The following TANC2 variants were observed in gnomAD, a reference collection of about 807,000 sequenced individuals.
TANC2 encodes the protein tetratricopeptide repeat, ankyrin repeat and coiled-coil containing 2.
In TANC2, 26 loss-of-function variants were observed where a neutral mutation model predicts 210.5. The observed-to-expected ratio is 0.12, with a 90% CI of 0.09 to 0.17. The LOEUF (loss-of-function observed/expected upper bound fraction) is 0.17, where lower values mean the gene tolerates loss of function less well. Among genes scored for constraint, TANC2 ranks in the 10% least tolerant of loss-of-function variants. TANC2 has a pLI of 1.00. For missense variants in TANC2, 2,129 were observed against 2,608.9 expected (o/e 0.82, Z 4.01); for synonymous variants, 931 against 967.1 (o/e 0.96, Z 0.69).
rs771588087 is a variant in TANC2 at position 63,194,159 on chromosome 17, C to G, written c.582+20C>G. 6.2e-6 allele frequency: 10 copies of G among 1,606,594 alleles called. No individual in the cohort carries two copies. Among genetic ancestry groups the G allele is most frequent in the Non-Finnish European group, 6.0e-6 (7 of 1,176,194 alleles). On this transcript the variant is annotated intron_variant, in intron 6 of 27. Coordinates refer to ENST00000689528, the Ensembl canonical transcript of TANC2. ...AATCAGGTAAGCTGTTTGCTATCACCTTTGTGAAACATGGTGTGAATCAGC... is the reference window on the plus strand; with the variant it reads ...AATCAGGTAAGCTGTTTGCTATCACGTTTGTGAAACATGGTGTGAATCAGC...
chr17:63,389,252 C>G, intron 16 of TANC2, 56 bp from the exon 17 acceptor site: 2 of 1,360,724 alleles, frequency 1.5e-6, no homozygotes, highest in African/African-American at 1.4e-5. Context: ...TAAAAGATGA[C>G]TAAAAGGATG....
intron 1 of TANC2, among the ~76,000 whole-genome samples, chr17:62,968,086 A>G (rs556291891): frequency 6.6e-6 from 1 of 152,330 alleles, no homozygotes; most frequent in African/African-American, 2.4e-5. Flanking sequence ...AAACATTGTG[A>G]CTTCCATTTA....
intron 12 of TANC2, among the ~76,000 whole-genome samples, chr17:63,343,161 T>C (rs564993226): frequency 1.3e-4 from 19 of 150,634 alleles, no homozygotes; most frequent in African/African-American, 4.3e-4. Flanking sequence ...TAAGCACTTA[T>C]ATTAAAAGGT....
chr17:63,271,605 C>T (rs942345468), intron 9 of TANC2, among the ~76,000 whole-genome samples: 3 of 144,720 alleles, frequency 2.1e-5, no homozygotes, highest in African/African-American at 2.5e-5. Context: ...TGTTCCCACC[C>T]TTGCCCCCCC....
In TANC2 at chr17:62,966,651, G is replaced by A. The variant is rs1190536089; in HGVS notation, c.-122G>A. 2.0e-5 allele frequency among the ~76,000 whole-genome samples: 3 copies of A among 151,862 alleles called. No individual in the cohort carries two copies. The highest frequency in any genetic ancestry group is 2.9e-5 in the Non-Finnish European group (2 of 67,882). On this transcript the variant is annotated 5_prime_UTR_variant, in exon 1 of 28. Transcript: ENST00000689528. The surrounding 1 kb of genome is among the most constrained non-coding windows in gnomAD (Gnocchi z 5.1). ...GCGTTGGAGGACTGCGAGGTGCTCC[G>A]GGAATCGCGGGCGGCGCCGGCGGGC... is the stretch of plus-strand genomic sequence containing the variant.
At chr17:63,031,802 A>T (rs2034779823) in intron 2 of TANC2, among the ~76,000 whole-genome samples, 1 of 152,214 alleles carries the variant, frequency 6.6e-6, no homozygotes, top group African/African-American at 2.4e-5. Flanking sequence ...ACTAAAATAT[A>T]GTATGAGAAG....
exon 28 of TANC2, chr17:63,425,080 T>C (rs2049111899): frequency 6.6e-6 from 1 of 152,214 alleles, no homozygotes; most frequent in African/African-American, 2.4e-5. Context: ...GAATTTGGCA[T>C]GACAAAATGG....
intron 3 of TANC2, among the ~76,000 whole-genome samples, chr17:63,081,947 C>T (rs1598368186): frequency 6.6e-6 from 1 of 151,878 alleles, no homozygotes; most frequent in Non-Finnish European, 1.5e-5. Context: ...GGGTGGATCA[C>T]GAGATCAGGA....
chr17:63,349,659 A>T (rs2046533841), intron 12 of TANC2, among the ~76,000 whole-genome samples: 1 of 152,190 alleles, frequency 6.6e-6, no homozygotes, highest in Non-Finnish European at 1.5e-5. Context: ...CAGTACAGGG[A>T]TAGATAGCTC....
intron 17 of TANC2, among the ~76,000 whole-genome samples, chr17:63,393,895 G>A (rs954485951): frequency 4.0e-5 from 6 of 151,394 alleles, no homozygotes; most frequent in African/African-American, 9.7e-5. Flanking sequence ...CTCACCCTCC[G>A]GAGTAGCTGG....
chr17:63,049,378 G>A (rs1039702523), intron 2 of TANC2, among the ~76,000 whole-genome samples: 5 of 152,170 alleles, frequency 3.3e-5, no homozygotes, highest in Non-Finnish European at 2.9e-5. Flanking sequence ...ATATGGTGGT[G>A]GTGGGGTACC....
intron 2 of TANC2, among the ~76,000 whole-genome samples, chr17:63,036,921 G>A (rs1598294063): frequency 1.3e-5 from 2 of 150,340 alleles, no homozygotes; most frequent in South Asian, 2.1e-4. Flanking sequence ...ACAGCCCCCA[G>A]TAGATTCCTG....
intron 11 of TANC2, among the ~76,000 whole-genome samples, chr17:63,333,619 G>A (rs2045930936): frequency 6.6e-6 from 1 of 152,192 alleles, no homozygotes; most frequent in African/African-American, 2.4e-5. Flanking sequence ...ATAAAGTAGT[G>A]CCAGGGTTTG....
chr17:63,083,065 A>G (rs73341724), intron 3 of TANC2, among the ~76,000 whole-genome samples: 6,134 of 152,270 alleles, frequency 0.04, 432 homozygotes, highest in African/African-American at 0.14. Flanking sequence ...TACCTCTGTT[A>G]TCTCTCCTTA....
chr17:63,379,903 G>A lies in TANC2; in HGVS notation c.2691+77G>A, dbSNP rs1048512338. 4.0e-6 allele frequency: 5 copies of A among 1,244,998 alleles called. No individual in the cohort carries two copies. In the African/African-American group the frequency reaches 4.5e-5, roughly 11 times the overall value. 77.1% of individuals were successfully genotyped at this position (1,244,998 alleles called of 1,614,324 possible). On this transcript the variant is annotated intron_variant, in intron 15 of 27. Transcript: ENST00000689528. ...ATGCTTTATGTAAGAGACTATTTCA[G>A]TGTAGTCCCTGCCTTCTGAAGTTCT... is the stretch of plus-strand genomic sequence containing the variant.
Position 63,099,062 on chromosome 17 carries a change from T to A in TANC2, c.140-113T>A, listed in dbSNP as rs1011482463. 6.4e-6 allele frequency: 7 copies of A among 1,098,682 alleles called. No homozygotes were observed. The African/African-American group carries it at 1.1e-4, about 17-fold the overall frequency. 68.1% of individuals were successfully genotyped at this position (1,098,682 alleles called of 1,614,324 possible). ...ATGAATGCATGTAGTGAAAATACTT[T>A]GATTTTTCACAGTGAAAATATTTGT... On this transcript the variant is annotated intron_variant, in intron 3 of 27. Transcript: ENST00000689528.
Position 62,966,394 on chromosome 17 carries a change from G to A in TANC2, c.-379G>A, listed in dbSNP as rs1316722220. Among the ~76,000 whole-genome samples the A allele has an allele frequency of 6.8e-6, 1 of 147,472 alleles. No homozygotes were observed. Among genetic ancestry groups the A allele is most frequent in the African/African-American group, 2.4e-5 (1 of 40,960 alleles). ...GGGCCGCTGGCGCTGCCCTCCCGCC[G>A]CCACCGCCCTCCGCGCCTCCTTCGG... On this transcript the variant is annotated 5_prime_UTR_variant, in exon 1 of 28. Coordinates refer to ENST00000689528, the Ensembl canonical transcript of TANC2. The surrounding 1 kb of genome is among the most constrained non-coding windows in gnomAD (Gnocchi z 5.1).
chr17:63,351,928 A>T (rs940709842), intron 13 of TANC2, among the ~76,000 whole-genome samples: 1 of 152,008 alleles, frequency 6.6e-6, no homozygotes, highest in Non-Finnish European at 1.5e-5. Context: ...ATTTACTACA[A>T]CTGAGAGAGA....
chr17:63,199,638 A>G (rs1167096685), intron 6 of TANC2, among the ~76,000 whole-genome samples: 1 of 152,088 alleles, frequency 6.6e-6, no homozygotes, highest in Non-Finnish European at 1.5e-5. Flanking sequence ...AAAAAGGATA[A>G]AATGTTTTTA....
Sources: allele counts gnomAD v4.1 joint callset (sites outside exome capture counted in the v4.1 genomes callset), GRCh38; gene constraint gnomAD v4.1.1; non-coding constraint Gnocchi (gnomAD v3.1); transcripts MANE v1.5; gene names NCBI Gene and HGNC (gene_info 2026-07-23, HGNC 2026-07-21).